The following SLC35A4 variants were observed in gnomAD, a reference collection of about 807,000 sequenced individuals.
SLC35A4 encodes the protein probable UDP-sugar transporter protein SLC35A4.
Under a neutral mutation model 18.8 loss-of-function variants are expected in SLC35A4, and 9 were observed. That is an observed-to-expected ratio of 0.48 (90% CI 0.29 to 0.83). The LOEUF is 0.83. Among genes scored for constraint, SLC35A4 ranks in the 40% least tolerant of loss-of-function variants. The probability of loss-of-function intolerance (pLI) is 0.09; values close to 1 mark genes in which losing one functional copy is unlikely to be tolerated. For missense variants in SLC35A4, 404 were observed against 415.5 expected (o/e 0.97, Z 0.24); for synonymous variants, 189 against 191.9 (o/e 0.98, Z 0.13).
chr5:140,567,807 AGCG>A lies in SLC35A4; in HGVS notation c.641_643del (p.Arg214del), dbSNP rs1200626846. 1 of 1,614,086 alleles carries A rather than the reference AGCG, an allele frequency of 6.2e-7. No homozygotes were observed. Among genetic ancestry groups the A allele is most frequent in the Non-Finnish European group, 8.5e-7 (1 of 1,180,042 alleles). ...TACACAGAGCTGCTCATGAAGCGAC[AGCG>A]GCTGCCCCTGGCACTTCAGAACCTC... On this transcript the variant is annotated inframe_deletion, in exon 3 of 3. Coordinates refer to ENST00000323146, the MANE Select transcript of SLC35A4 (RefSeq NM_080670.4).
Position 140,567,882 on chromosome 5 carries a change from G to GC in SLC35A4, c.714dup (p.Gly239ArgfsTer121). The GC allele has an allele frequency of 6.2e-7, 1 of 1,614,192 alleles. No individual in the cohort carries two copies. The highest frequency in any genetic ancestry group is 1.1e-5 in the South Asian group (1 of 91,088). The stretch of plus-strand genomic sequence containing the variant: ...CTTCTGAATCTAGGTCTGCATGCTG[G>GC]CGGCGGCTCTGGCCCAGGCCTCCTG... On this transcript the variant is annotated frameshift_variant, in exon 3 of 3. Transcript: ENST00000323146. LOFTEE classifies it high-confidence loss of function.
rs913282425 is a variant in SLC35A4, at chr5:140,568,051, A to T, written c.882A>T (p.Ser294=). Residue 294 remains serine (S), a synonymous_variant, in exon 3 of 3, where the codon TCA becomes TCT. Coordinates refer to ENST00000323146, the MANE Select transcript of SLC35A4 (RefSeq NM_080670.4). ...CGCTGGTGGTCAACGCCGTGCTCTC[A>T]GCAGTCCTGCTACGGCTGCAGCTCA... ...SCSLVVNAVL[S]AVLLRLQLTA... 4.3e-6 allele frequency: 7 copies of T among 1,613,856 alleles called. No individual in the cohort carries two copies. In the African/African-American group the frequency reaches 6.7e-5, roughly 15 times the overall value.
In SLC35A4 at chr5:140,567,624, C is replaced by G. The variant is rs761678649; in HGVS notation, c.455C>G (p.Ala152Gly). The G allele has an allele frequency of 1.2e-6, 2 of 1,614,148 alleles. No individual in the cohort carries two copies. The highest frequency in any genetic ancestry group is 1.1e-5 in the South Asian group (1 of 91,088). The change falls in exon 3 of 3, where the codon GCG (alanine) becomes GGG (glycine). Residue 152 changes from alanine (A) to glycine (G), a missense_variant. By Grantham distance (60) the Ala-to-Gly change is moderately conservative. Coordinates refer to ENST00000323146, the MANE Select transcript of SLC35A4 (RefSeq NM_080670.4). ...QGLALLLLMA[A>G]GACYAAGGLQ... ...TTAGCGCTGCTGCTGCTGATGGCTG[C>G]GGGAGCCTGCTATGCAGCAGGGGGC...
At chr5:140,566,294 A>G (rs1755186576) in intron 2 of SLC35A4, among the ~76,000 whole-genome samples, 1 of 152,134 alleles carries the variant, frequency 6.6e-6, no homozygotes. Flanking sequence ...ATGAGGCTGG[A>G]GAAACCGGCA....
Position 140,566,959 on chromosome 5 carries a change from G to A in SLC35A4, c.-211G>A. 1.3e-6 allele frequency: 1 copy of A among 751,982 alleles called. No individual in the cohort carries two copies. Among genetic ancestry groups the A allele is most frequent in the South Asian group, 1.5e-5 (1 of 67,704 alleles). The allele number at this position is 751,982 out of a possible 1,614,324, so 46.6% of individuals were successfully genotyped here. A position where few individuals can be genotyped will look rare whatever the true frequency, so the allele number is the denominator to read the frequency against. ...TCCTTCTTCCCCTTCCTAGCTCCATGGGACTCGCCCCAAGACTGTGGCTTC... is the reference window on the plus strand; with the variant it reads ...TCCTTCTTCCCCTTCCTAGCTCCATAGGACTCGCCCCAAGACTGTGGCTTC... On this transcript the variant is annotated 5_prime_UTR_variant, in exon 3 of 3. An upstream start codon of the reference 5' UTR is lost. Transcript: ENST00000323146.
chr5:140,565,646 A>G (rs1406321960), intron 1 of SLC35A4: 2 of 340,352 alleles, frequency 5.9e-6, no homozygotes, highest in African/African-American at 4.2e-5. Flanking sequence ...GTCAAGGTTG[A>G]TGTAAGTTAC....
rs1184012305 is a variant in SLC35A4, at chr5:140,565,908, CAAG to C, written c.-666_-664del. The C allele has an allele frequency of 2.5e-6, 1 of 398,826 alleles. No individual in the cohort carries two copies. Among genetic ancestry groups the C allele is most frequent in the Non-Finnish European group, 4.4e-6 (1 of 226,074 alleles). The allele number at this position is 398,826 out of a possible 1,614,324, so 24.7% of individuals were successfully genotyped here. ...CTAAGCTTAAGGACCTGGCATTTCT[CAAG>C]AACCAGCTGGAAAGCCTGCAGCGGC... On this transcript the variant is annotated 5_prime_UTR_variant, in exon 2 of 3. Transcript: ENST00000323146.
intron 1 of SLC35A4, 194 bp downstream of exon 1, chr5:140,565,052 G>C: frequency 2.5e-6 from 1 of 397,644 alleles, no homozygotes; most frequent in Non-Finnish European, 4.4e-6. Context: ...AGGAGCCGTG[G>C]ATCCCCCAGA....
rs1489177983 is a variant in SLC35A4 at position 140,568,073 on chromosome 5, C to G, written c.904C>G (p.Leu302Val). 6.2e-7 allele frequency: 1 copy of G among 1,613,942 alleles called. No individual in the cohort carries two copies. Among genetic ancestry groups the G allele is most frequent in the African/African-American group, 1.3e-5 (1 of 75,060 alleles). The change falls in exon 3 of 3, where the codon CTC (leucine) becomes GTC (valine). Residue 302 changes from leucine (L) to valine (V), a missense_variant. By Grantham distance (32) the Leu-to-Val change is conservative. Coordinates refer to ENST00000323146, the MANE Select transcript of SLC35A4 (RefSeq NM_080670.4). ...CTCAGCAGTCCTGCTACGGCTGCAG[C>G]TCACAGCCGCCTTCTTCCTGGCCAC... ...VLSAVLLRLQ[L>V]TAAFFLATLL...
Position 140,568,608 on chromosome 5 carries a change from T to C in SLC35A4, c.*464T>C. The C allele has an allele frequency of 5.2e-6, 1 of 193,206 alleles. No homozygotes were observed. The highest frequency in any genetic ancestry group is 1.2e-5 in the Non-Finnish European group (1 of 84,326). The allele number at this position is 193,206 out of a possible 1,614,324, so 12.0% of individuals were successfully genotyped here. A position where few individuals can be genotyped will look rare whatever the true frequency, so the allele number is the denominator to read the frequency against. ...TGCATGACTCTTCCATAAGGGATCC[T>C]CACCCTTCCACTTTCATGCAAGAAG... On this transcript the variant is annotated 3_prime_UTR_variant, in exon 3 of 3. Transcript: ENST00000323146.
chr5:140,565,184 T>C (rs1275797201), intron 1 of SLC35A4: 1 of 334,422 alleles, frequency 3.0e-6, no homozygotes, highest in African/African-American at 2.1e-5. Context: ...AGTGACACGA[T>C]GTTTCCAATC....
chr5:140,567,766 A>G lies in SLC35A4; in HGVS notation c.597A>G (p.Ser199=), dbSNP rs367872368. The change falls in exon 3 of 3, where the codon TCA becomes TCG. Residue 199 remains serine, a synonymous_variant. Coordinates refer to ENST00000323146, the MANE Select transcript of SLC35A4 (RefSeq NM_080670.4). ...TCCTCATTCTGTACTGCCTCATCTC[A>G]GGCTTGTCGTCAGTGTACACAGAGC... is the stretch of plus-strand genomic sequence containing the variant. ...LLLLILYCLI[S]GLSSVYTELL... 6.2e-7 allele frequency: 1 copy of G among 1,613,948 alleles called. No homozygotes were observed. The highest frequency in any genetic ancestry group is 1.3e-5 in the African/African-American group (1 of 74,920).
Position 140,566,827 on chromosome 5 carries a change from A to T in SLC35A4, c.-343A>T, listed in dbSNP as rs1427101458. 1.7e-6 allele frequency: 1 copy of T among 601,892 alleles called. No individual in the cohort carries two copies. The highest frequency in any genetic ancestry group is 3.0e-6 in the Non-Finnish European group (1 of 337,924). The allele number at this position is 601,892 out of a possible 1,614,324, so 37.3% of individuals were successfully genotyped here. A position where few individuals can be genotyped will look rare whatever the true frequency, so the allele number is the denominator to read the frequency against. On this transcript the variant is annotated 5_prime_UTR_variant, in exon 3 of 3. Transcript: ENST00000323146. ...CTTCAGGTGGAGACACTTTATCTGG[A>T]TTCCCCAGCTGTCATCCATTTGCTA...
rs1755229139 is a variant in SLC35A4 at position 140,567,750 on chromosome 5, T to C, written c.581T>C (p.Leu194Pro). The change falls in exon 3 of 3, where the codon CTG (leucine) becomes CCG (proline). Residue 194 changes from leucine to proline, a missense_variant. Transcript: ENST00000323146. ...ITPLGLLLLI[L>P]YCLISGLSSV... Reference sequence around the variant, plus strand: ...CCGCTAGGCCTGCTGCTCCTCATTCTGTACTGCCTCATCTCAGGCTTGTCG... The same window carrying C: ...CCGCTAGGCCTGCTGCTCCTCATTCCGTACTGCCTCATCTCAGGCTTGTCG... 1.9e-6 allele frequency: 3 copies of C among 1,614,034 alleles called. No homozygotes were observed. The highest frequency in any genetic ancestry group is 2.5e-6 in the Non-Finnish European group (3 of 1,180,042).
rs745807178 is a variant in SLC35A4 at position 140,567,365 on chromosome 5, G to A, written c.196G>A (p.Ala66Thr). Residue 66 changes from alanine (A) to threonine (T), a missense_variant, in exon 3 of 3, where the codon GCC becomes ACC. Physicochemically the swap from Ala to Thr is moderately conservative, Grantham distance 58. Coordinates refer to ENST00000323146, the MANE Select transcript of SLC35A4 (RefSeq NM_080670.4). ...LTELTKLLLC[A>T]FSLLVGWQAW... ...TGAGCTGACCAAGCTACTGTTATGC[G>A]CCTTCTCCCTTCTGGTAGGCTGGCA... The A allele has an allele frequency of 6.2e-6, 10 of 1,614,072 alleles. No homozygotes were observed. The East Asian group carries it at 6.7e-5, about 11-fold the overall frequency.
chr5:140,564,837 G>A lies in SLC35A4; in HGVS notation c.-726G>A. The A allele has an allele frequency of 2.5e-6, 1 of 403,568 alleles. No individual in the cohort carries two copies. The highest frequency in any genetic ancestry group is 4.4e-6 in the Non-Finnish European group (1 of 228,432). 25.0% of individuals were successfully genotyped at this position (403,568 alleles called of 1,614,324 possible). A position where few individuals can be genotyped will look rare whatever the true frequency, so the allele number is the denominator to read the frequency against. On this transcript the variant is annotated 5_prime_UTR_variant, in exon 1 of 3. Transcript: ENST00000323146. This position sits in a 1 kb window ranked among gnomAD's most constrained non-coding sequence, Gnocchi z 5.0. Reference sequence around the variant, plus strand: ...GATGCGCCTGCGCAACAAGTTCGGCGGGGAAGATGGCGGATGACAAGGTGA... The same window carrying A: ...GATGCGCCTGCGCAACAAGTTCGGCAGGGAAGATGGCGGATGACAAGGTGA...
rs778206925 is a variant in SLC35A4 at position 140,568,023 on chromosome 5, G to C, written c.854G>C (p.Cys285Ser). 6 of 1,614,036 alleles carry C rather than the reference G, an allele frequency of 3.7e-6. No homozygotes were observed. The highest frequency in any genetic ancestry group is 4.2e-6 in the Non-Finnish European group (5 of 1,180,002). ...SSITRLFVVS[C>S]SLVVNAVLSA... ...ATCACACGCCTCTTTGTGGTGTCCT[G>C]CTCGCTGGTGGTCAACGCCGTGCTC... The change falls in exon 3 of 3, where the codon TGC (cysteine) becomes TCC (serine). Residue 285 changes from cysteine (C) to serine (S), a missense_variant. By Grantham distance (112) the Cys-to-Ser change is moderately radical (BLOSUM62 -1). Transcript: ENST00000323146.
chr5:140,568,238 C>T lies in SLC35A4; in HGVS notation c.*94C>T. The T allele has an allele frequency of 6.3e-7, 1 of 1,585,834 alleles. No individual in the cohort carries two copies. Among genetic ancestry groups the T allele is most frequent in the South Asian group, 1.1e-5 (1 of 88,108 alleles). On this transcript the variant is annotated 3_prime_UTR_variant, in exon 3 of 3. Transcript: ENST00000323146. ...GCCTTCCTCCCTCTCCCATCAGCAGCCCTGTAACAAGTGCCTTGTGAGAAA... is the reference window on the plus strand; with the variant it reads ...GCCTTCCTCCCTCTCCCATCAGCAGTCCTGTAACAAGTGCCTTGTGAGAAA...
chr5:140,565,099 G>T (rs1755153277), intron 1 of SLC35A4: 1 of 394,892 alleles, frequency 2.5e-6, no homozygotes, highest in Non-Finnish European at 4.5e-6. Flanking sequence ...CCCGTTACTA[G>T]CACAGACTCA....
Sources: allele counts gnomAD v4.1 joint callset (sites outside exome capture counted in the v4.1 genomes callset), GRCh38; gene constraint gnomAD v4.1.1; non-coding constraint Gnocchi (gnomAD v3.1); transcripts MANE v1.5; gene names NCBI Gene and HGNC (gene_info 2026-07-23, HGNC 2026-07-21).